DCAF11: variants seen among roughly 807,000 people sequenced by gnomAD.
The protein encoded by DCAF11 is DDB1- and CUL4-associated factor 11.
DCAF11 carries 44 observed loss-of-function variants against 76.1 expected under a neutral mutation model. The ratio of observed to expected loss-of-function variants is 0.58; its 90% CI spans 0.45 to 0.74. DCAF11 has a LOEUF of 0.74. Among genes scored for constraint, DCAF11 ranks in the 30% least tolerant of loss-of-function variants. DCAF11 has a pLI of 0.00. For synonymous variants in DCAF11, 258 were observed against 255.0 expected (o/e 1.01, Z -0.11); for missense variants, 604 against 709.4 (o/e 0.85, Z 1.69).
intron 2 of DCAF11, 149 bp downstream of exon 2, chr14:24,115,898 C>A: frequency 1.0e-6 from 1 of 1,004,710 alleles, no homozygotes; most frequent in Non-Finnish European, 1.4e-6. Context: ...TGCTGGGCAC[C>A]CATGGCACTC....
rs887348744 is a variant in DCAF11 at position 24,117,972 on chromosome 14, T to G, written c.477-83T>G. The G allele has an allele frequency of 1.9e-6, 2 of 1,057,612 alleles. No individual in the cohort carries two copies. Among genetic ancestry groups the G allele is most frequent in the Admixed American group, 4.4e-5 (2 of 45,268 alleles). The allele number at this position is 1,057,612 out of a possible 1,614,324, so 65.5% of individuals were successfully genotyped here. A position where few individuals can be genotyped will look rare whatever the true frequency, so the allele number is the denominator to read the frequency against. On this transcript the variant is annotated intron_variant, in intron 5 of 14. Transcript: ENST00000446197. The surrounding 1 kb of genome is among the most constrained non-coding windows in gnomAD (Gnocchi z 4.3). ...AAAGGGAAGAATGACTGTTCTGATA[T>G]TCCAGCTCTGTTAGGATTCTGCTGA...
At chr14:24,115,857 G>A in intron 2 of DCAF11, 108 bp downstream of exon 2, 1 of 1,403,916 alleles carries the variant, frequency 7.1e-7, no homozygotes, top group South Asian at 1.4e-5. Context: ...GCTCAGGACA[G>A]CTGTTCTGTT....
In DCAF11 at chr14:24,123,274, C is replaced by G; in HGVS notation, c.1606C>G (p.Pro536Ala). The change falls in exon 15 of 15, where the codon CCC becomes GCC. Residue 536 changes from proline to alanine, a missense_variant. Physicochemically the swap from Pro to Ala is conservative, Grantham distance 27. Transcript: ENST00000446197. ...EECASAPAPV[P>A]QSSTPFSSPQ ...ATGTGCCAGCGCCCCTGCCCCAGTG[C>G]CCCAATCCTCTACACCCTTTTCCTC... 2 of 1,555,490 alleles carry G rather than the reference C, an allele frequency of 1.3e-6. No individual in the cohort carries two copies. Among genetic ancestry groups the G allele is most frequent in the Non-Finnish European group, 1.7e-6 (2 of 1,149,782 alleles).
intron 2 of DCAF11, 140 bp downstream of exon 2, chr14:24,115,889 G>T: frequency 8.9e-7 from 1 of 1,120,066 alleles, no homozygotes; most frequent in Non-Finnish European, 1.2e-6. Context: ...GCCTTTCCCT[G>T]CTGGGCACCC....
chr14:24,116,996 AATGACAGAGCTTGGG>A lies in DCAF11; in HGVS notation c.239_253del (p.Asp80_Asp84del). The A allele has an allele frequency of 6.2e-7, 1 of 1,614,192 alleles. No homozygotes were observed. Among genetic ancestry groups the A allele is most frequent in the Non-Finnish European group, 8.5e-7 (1 of 1,180,026 alleles). On this transcript the variant is annotated inframe_deletion, in exon 3 of 15. Coordinates refer to ENST00000446197, the MANE Select transcript of DCAF11 (RefSeq NM_025230.5). ...GGCCCTCTTGGACTCAGAGGAAGAGAATGACAGAGCTTGGGATGGTCGTCTTGGGGATCGATACAA... is the reference window on the plus strand; with the variant it reads ...GGCCCTCTTGGACTCAGAGGAAGAGAATGGTCGTCTTGGGGATCGATACAA...
In DCAF11 at chr14:24,119,174, C is replaced by T; in HGVS notation, c.809C>T (p.Ser270Phe). 6.2e-7 allele frequency: 1 copy of T among 1,614,174 alleles called. No homozygotes were observed. Among genetic ancestry groups the T allele is most frequent in the Non-Finnish European group, 8.5e-7 (1 of 1,180,036 alleles). Reference protein sequence around the residue: ...RPDERRFAVFSIAVSSDGREV... With the variant: ...RPDERRFAVFFIAVSSDGREV... ...GATGAGCGTCGCTTTGCTGTCTTCT[C>T]CATTGCTGTCTCCTCAGATGGACGA... The change falls in exon 9 of 15, where the codon TCC becomes TTC. Residue 270 changes from serine (S) to phenylalanine (F), a missense_variant. By Grantham distance (155) the Ser-to-Phe change is radical. Transcript: ENST00000446197.
rs756400800 is a variant in DCAF11 at position 24,117,691 on chromosome 14, G to A, written c.435G>A (p.Arg145=). 8 of 1,614,148 alleles carry A rather than the reference G, an allele frequency of 5.0e-6. No homozygotes were observed. In the South Asian group the frequency reaches 7.7e-5, roughly 16 times the overall value. The change falls in exon 5 of 15, where the codon CGG becomes CGA. Residue 145 remains arginine (R), a synonymous_variant. Transcript: ENST00000446197. The surrounding 1 kb of genome is among the most constrained non-coding windows in gnomAD (Gnocchi z 4.3). ...AGAGAGAACGGGGCCTCTGCCATCG[G>A]GGAAGCTTCTCCCTTGGAGAACAGT... ...LHQRERGLCH[R]GSFSLGEQSR...
chr14:24,122,645 C>A (rs1378319383), intron 13 of DCAF11, among the ~76,000 whole-genome samples: 1 of 152,078 alleles, frequency 6.6e-6, no homozygotes, highest in Non-Finnish European at 1.5e-5. Flanking sequence ...GTGCACACAC[C>A]CCCAGACAGC....
chr14:24,120,548 C>T (rs767498190), intron 11 of DCAF11, among the ~76,000 whole-genome samples: 4 of 151,768 alleles, frequency 2.6e-5, no homozygotes, highest in African/African-American at 4.8e-5. Flanking sequence ...CAGAGCAAGA[C>T]TCCATCTCAA....
In DCAF11 at chr14:24,114,883, A is replaced by G; in HGVS notation, c.-624A>G. ...CGCAGTGGCGGCAGTCGGTGTAAAC[A>G]AGGCCTCGCGCCGCTGCGGGTCCTG... On this transcript the variant is annotated 5_prime_UTR_variant, in exon 1 of 15. Coordinates refer to ENST00000446197, the MANE Select transcript of DCAF11 (RefSeq NM_025230.5). 1.0e-6 allele frequency: 1 copy of G among 985,910 alleles called. No homozygotes were observed. Among genetic ancestry groups the G allele is most frequent in the South Asian group, 4.7e-5 (1 of 21,304 alleles). 61.1% of individuals were successfully genotyped at this position (985,910 alleles called of 1,614,324 possible).
intron 12 of DCAF11, 48 bp downstream of exon 12, chr14:24,121,039 C>T (rs761781223): frequency 1.2e-6 from 2 of 1,602,918 alleles, no homozygotes; most frequent in South Asian, 1.1e-5. Context: ...AGCCTGGGAG[C>T]CCTGGAGGAC....
chr14:24,118,002 G>A (rs750421668), intron 5 of DCAF11, 53 bp from the exon 6 acceptor site: 26 of 1,301,716 alleles, frequency 2.0e-5, no homozygotes, highest in Middle Eastern at 1.9e-4. Flanking sequence ...TGCTGATTGG[G>A]ACACTCCTTA....
In DCAF11 at chr14:24,124,554, G is replaced by C. The variant is rs1209382662; in HGVS notation, c.*1245G>C. On this transcript the variant is annotated 3_prime_UTR_variant, in exon 15 of 15. Transcript: ENST00000446197. ...TTAAATGAAGGTACACACATCCAGGGGTGTTCACAGGCTTTCACAGCAAGG... is the reference window on the plus strand; with the variant it reads ...TTAAATGAAGGTACACACATCCAGGCGTGTTCACAGGCTTTCACAGCAAGG... 1 of 152,180 alleles carries C rather than the reference G, an allele frequency of 6.6e-6. No homozygotes were observed. The highest frequency in any genetic ancestry group is 1.5e-5 in the Non-Finnish European group (1 of 68,060). 9.4% of individuals were successfully genotyped at this position (152,180 alleles called of 1,614,324 possible).
chr14:24,119,721 A>G lies in DCAF11; in HGVS notation c.917A>G (p.His306Arg), dbSNP rs747957221. ...CTCCTTTTCGCCTAGATTGAGTCCC[A>G]TGAGGATGATGTGAATGCAGTGGCC... The part of the protein sequence containing the change: ...QNRRTLQIES[H>R]EDDVNAVAFA... The change falls in exon 11 of 15, where the codon CAT becomes CGT. Residue 306 changes from histidine to arginine, a missense_variant. Coordinates refer to ENST00000446197, the MANE Select transcript of DCAF11 (RefSeq NM_025230.5). 1.2e-6 allele frequency: 2 copies of G among 1,614,224 alleles called. No individual in the cohort carries two copies. Among genetic ancestry groups the G allele is most frequent in the East Asian group, 2.2e-5 (1 of 44,884 alleles).
intron 12 of DCAF11, among the ~76,000 whole-genome samples, 174 bp downstream of exon 12, chr14:24,121,165 A>G (rs933080115): frequency 1.3e-5 from 2 of 152,172 alleles, no homozygotes; most frequent in African/African-American, 2.4e-5. Context: ...ATCAACCAAT[A>G]TAAAAGTATG....
rs2037752436 is a variant in DCAF11 at position 24,124,867 on chromosome 14, C to G, written c.*1558C>G. Reference sequence around the variant, plus strand: ...GACCAGCCTGGCCAACATGGTGGAACCCAATCTCTACTAAAAATACAAAAA... The same window carrying G: ...GACCAGCCTGGCCAACATGGTGGAAGCCAATCTCTACTAAAAATACAAAAA... On this transcript the variant is annotated 3_prime_UTR_variant, in exon 15 of 15. Coordinates refer to ENST00000446197, the MANE Select transcript of DCAF11 (RefSeq NM_025230.5). The G allele has an allele frequency of 6.6e-6, 1 of 152,170 alleles. No homozygotes were observed. The highest frequency in any genetic ancestry group is 1.5e-5 in the Non-Finnish European group (1 of 68,066). The allele number at this position is 152,170 out of a possible 1,614,324, so 9.4% of individuals were successfully genotyped here.
Position 24,117,646 on chromosome 14 carries a change from T to C in DCAF11, c.412-22T>C, listed in dbSNP as rs1399469771. 8 of 1,610,600 alleles carry C rather than the reference T, an allele frequency of 5.0e-6. No homozygotes were observed. Among genetic ancestry groups the C allele is most frequent in the African/African-American group, 2.7e-5 (2 of 74,790 alleles). On this transcript the variant is annotated intron_variant, in intron 4 of 14. Transcript: ENST00000446197. The surrounding 1 kb of genome is among the most constrained non-coding windows in gnomAD (Gnocchi z 4.3). ...TGGCCCTCTATTTCTGCTAGCAATA[T>C]TCCCCAATCCCTTCCATTTAGAGAG...
chr14:24,118,632 G>GA, intron 7 of DCAF11, 98 bp downstream of exon 7: 2 of 1,594,322 alleles, frequency 1.3e-6, no homozygotes, highest in Non-Finnish European at 1.7e-6. Context: ...TTTGTCCTGG[G>GA]AAAATCACTC....
At position 24,123,343 on chromosome 14, in the gene DCAF11, T is replaced by C. The variant is rs780009180; in HGVS notation, c.*34T>C. ...TCCAGCCCCATATAGGGTGAACCTC[T>C]TGATAAGCTCTCTGCCTCCTCCTCC... On this transcript the variant is annotated 3_prime_UTR_variant, in exon 15 of 15. Coordinates refer to ENST00000446197, the MANE Select transcript of DCAF11 (RefSeq NM_025230.5). 6.7e-7 allele frequency: 1 copy of C among 1,503,444 alleles called. No homozygotes were observed. The highest frequency in any genetic ancestry group is 2.3e-5 in the Admixed American group (1 of 43,196). The allele number at this position is 1,503,444 out of a possible 1,614,324, so 93.1% of individuals were successfully genotyped here.
Sources: gnomAD v4.1 joint callset for allele counts (sites outside exome capture counted in the v4.1 genomes callset) on GRCh38, gnomAD v4.1.1 for gene constraint, Gnocchi (gnomAD v3.1) non-coding constraint, MANE v1.5 for transcripts, NCBI Gene and HGNC (gene_info 2026-07-23, HGNC 2026-07-21) for gene names.